PIBF1: variants seen among roughly 807,000 people sequenced by gnomAD.
PIBF1 encodes the protein progesterone immunomodulatory binding factor 1, also known as progesterone-induced-blocking factor 1.
In PIBF1, 90 loss-of-function variants were observed where a neutral mutation model predicts 112.5. The observed-to-expected ratio is 0.80, with a 90% CI of 0.67 to 0.95. The LOEUF (loss-of-function observed/expected upper bound fraction) is 0.95. PIBF1 is among the 40% of genes least tolerant of loss of function. PIBF1 has a pLI of 0.00. For synonymous variants in PIBF1, 301 were observed against 288.6 expected (o/e 1.04, Z -0.44); for missense variants, 915 against 852.3 (o/e 1.07, Z -0.92).
chr13:72,871,939 C>T (rs952347488), intron 10 of PIBF1, among the ~76,000 whole-genome samples: 25 of 152,232 alleles, frequency 1.6e-4, no homozygotes, highest in African/African-American at 6.0e-4. Context: ...CATTTAATAG[C>T]ACCCAGTCCC....
intron 5 of PIBF1, among the ~76,000 whole-genome samples, chr13:72,811,544 G>A (rs755942560): frequency 4.0e-5 from 6 of 150,496 alleles, no homozygotes; most frequent in South Asian, 2.1e-4. Context: ...TGCAGTGAGC[G>A]GAGATCGCGC....
chr13:72,825,493 A>G (rs1467324437), intron 6 of PIBF1, among the ~76,000 whole-genome samples: 2 of 152,162 alleles, frequency 1.3e-5, no homozygotes, highest in African/African-American at 4.8e-5. Flanking sequence ...CCTAACACCA[A>G]TCGAAAATAC....
chr13:72,932,843 G>A (rs1311166891), intron 14 of PIBF1, among the ~76,000 whole-genome samples: 1 of 152,118 alleles, frequency 6.6e-6, no homozygotes, highest in African/African-American at 2.4e-5. Flanking sequence ...TTGATAGCCA[G>A]CCCACAAAAT....
intron 17 of PIBF1, among the ~76,000 whole-genome samples, chr13:73,009,393 G>T (rs1490428208): frequency 6.6e-6 from 1 of 152,204 alleles, no homozygotes; most frequent in Non-Finnish European, 1.5e-5. Context: ...CTTGATCTCA[G>T]CCAAAAGGTC....
At chr13:72,957,204 C>T (rs1445703280) in intron 14 of PIBF1, among the ~76,000 whole-genome samples, 1 of 152,154 alleles carries the variant, frequency 6.6e-6, no homozygotes, top group Non-Finnish European at 1.5e-5. Flanking sequence ...GAAAAAGATA[C>T]TTGCACACTC....
At chr13:72,830,701 T>C (rs1477276387) in intron 8 of PIBF1, among the ~76,000 whole-genome samples, 1 of 152,222 alleles carries the variant, frequency 6.6e-6, no homozygotes, top group Non-Finnish European at 1.5e-5. Context: ...GATTTTTACA[T>C]TGATGTTCAT....
rs2041688291 is a variant in PIBF1, at chr13:72,931,253, C to T, written c.1819C>T (p.Gln607Ter). The change falls in exon 14 of 18, where the codon CAG becomes TAG. Residue 607 changes from glutamine to a stop codon, truncating the protein, a stop_gained. Coordinates refer to ENST00000326291, the MANE Select transcript of PIBF1 (RefSeq NM_006346.4). LOFTEE classifies it high-confidence loss of function. Reference sequence around the variant, plus strand: ...GGAACATCGAAAGGACCAAGTAACACAGCTTTCACAAGAGGTAAATAACTT... The same window carrying T: ...GGAACATCGAAAGGACCAAGTAACATAGCTTTCACAAGAGGTAAATAACTT... Reference protein sequence around the residue: ...DLEHRKDQVTQLSQELDRANS... With the variant: ...DLEHRKDQVT 6.2e-7 allele frequency: 1 copy of T among 1,604,044 alleles called. No homozygotes were observed. Among genetic ancestry groups the T allele is most frequent in the South Asian group, 1.1e-5 (1 of 90,422 alleles).
intron 13 of PIBF1, among the ~76,000 whole-genome samples, chr13:72,920,167 T>C: frequency 6.6e-6 from 1 of 152,200 alleles, no homozygotes; most frequent in Admixed American, 6.5e-5. Context: ...TGATTCATAC[T>C]CGAAATAATG....
At chr13:72,922,523 C>T (rs989928784) in intron 13 of PIBF1, among the ~76,000 whole-genome samples, 1 of 152,086 alleles carries the variant, frequency 6.6e-6, no homozygotes, top group Non-Finnish European at 1.5e-5. Flanking sequence ...TTGTATATGC[C>T]TCTGTGTTTG....
intron 4 of PIBF1, among the ~76,000 whole-genome samples, chr13:72,796,604 A>G (rs1174848415): frequency 6.7e-6 from 1 of 150,254 alleles, no homozygotes; most frequent in Non-Finnish European, 1.5e-5. Context: ...AAAGATTTGC[A>G]GATTAGTGAT....
At chr13:72,832,072 C>CTTTTTTTTTTTTT (rs754794968) in intron 8 of PIBF1, among the ~76,000 whole-genome samples, 5 of 42,900 alleles carry the variant, frequency 1.2e-4, no homozygotes, top group Non-Finnish European at 1.5e-4. Context: ...CAATTCCGGC[C>CTTTTTTTTTTTTT]TTTTTTTTTT....
chr13:72,865,355 C>T (rs1405880779), intron 10 of PIBF1, among the ~76,000 whole-genome samples: 1 of 152,082 alleles, frequency 6.6e-6, no homozygotes, highest in Admixed American at 6.6e-5. Context: ...CAGTTCTGGC[C>T]GTTTGACTAA....
intron 17 of PIBF1, among the ~76,000 whole-genome samples, chr13:73,008,416 A>G (rs1018988750): frequency 3.3e-5 from 5 of 152,194 alleles, no homozygotes; most frequent in South Asian, 2.1e-4. Flanking sequence ...TTTGTCTTGC[A>G]TAGTAGAAAG....
intron 13 of PIBF1, among the ~76,000 whole-genome samples, 194 bp from the exon 14 acceptor site, chr13:72,930,971 C>T (rs2041678910): frequency 1.3e-5 from 2 of 152,110 alleles, no homozygotes; most frequent in African/African-American, 2.4e-5. Context: ...TGTTGTTACT[C>T]TCATAATTCT....
chr13:72,827,976 C>A, intron 8 of PIBF1, 62 bp downstream of exon 8: 1 of 1,227,976 alleles, frequency 8.1e-7, no homozygotes, highest in Non-Finnish European at 1.1e-6. Flanking sequence ...TTTGAGGGAA[C>A]TCTTGGCTTT....
intron 13 of PIBF1, among the ~76,000 whole-genome samples, chr13:72,917,550 G>A (rs891814659): frequency 1.3e-5 from 2 of 151,744 alleles, no homozygotes; most frequent in African/African-American, 4.8e-5. Context: ...ATGTTAGGGA[G>A]AGTGATTTGG....
intron 14 of PIBF1, among the ~76,000 whole-genome samples, chr13:72,932,124 G>C (rs983593784): frequency 6.6e-6 from 1 of 151,026 alleles, no homozygotes; most frequent in African/African-American, 2.4e-5. Flanking sequence ...GTATTTTTTT[G>C]GTAGAGACAG....
At chr13:73,013,183 C>T (rs1322651265) in intron 17 of PIBF1, among the ~76,000 whole-genome samples, 1 of 151,090 alleles carries the variant, frequency 6.6e-6, no homozygotes, top group African/African-American at 2.4e-5. Context: ...CACCTGTAGT[C>T]CCAGCTACTC....
intron 13 of PIBF1, among the ~76,000 whole-genome samples, chr13:72,917,662 A>G (rs996451622): frequency 1.3e-5 from 2 of 152,242 alleles, no homozygotes; most frequent in Non-Finnish European, 2.9e-5. Context: ...GTTTAAAAGT[A>G]CAGTCAGCCC....
Sources: gnomAD v4.1 joint callset for allele counts (sites outside exome capture counted in the v4.1 genomes callset) on GRCh38, gnomAD v4.1.1 for gene constraint, MANE v1.5 for transcripts, NCBI Gene and HGNC (gene_info 2026-07-23, HGNC 2026-07-21) for gene names.